ETV6: variants seen among roughly 807,000 people sequenced by gnomAD.
The protein encoded by ETV6 is transcription factor ETV6.
Under a neutral mutation model 51.1 loss-of-function variants are expected in ETV6, and 16 were observed. The observed-to-expected ratio is 0.31, with a 90% CI of 0.21 to 0.48. The LOEUF is 0.48. ETV6 is among the 20% of genes least tolerant of loss of function. ETV6 has a pLI of 0.99. For synonymous variants in ETV6, 240 were observed against 224.1 expected (o/e 1.07, Z -0.64); for missense variants, 458 against 594.8 (o/e 0.77, Z 2.39).
At position 11,806,302 on chromosome 12, in the gene ETV6, A is replaced by G. The variant is rs1304927094; in HGVS notation, c.164-32838A>G. 2.0e-5 allele frequency among the ~76,000 whole-genome samples: 3 copies of G among 152,232 alleles called. No homozygotes were observed. The East Asian group carries it at 5.8e-4, about 29-fold the overall frequency. On this transcript the variant is annotated intron_variant, in intron 2 of 7. Coordinates refer to ENST00000396373, the MANE Select transcript of ETV6 (RefSeq NM_001987.5). ...GAGGAATAATCTTTGTGATCAACTGAGTGAAAGGTACAAAGTAAGAAACAA... is the reference window on the plus strand; with the variant it reads ...GAGGAATAATCTTTGTGATCAACTGGGTGAAAGGTACAAAGTAAGAAACAA...
chr12:11,812,955 A>G (rs947811820), intron 2 of ETV6, among the ~76,000 whole-genome samples: 2 of 152,172 alleles, frequency 1.3e-5, no homozygotes, highest in African/African-American at 4.8e-5. Flanking sequence ...GCTCCCTGAC[A>G]TTCCGGAGGC....
chr12:11,756,046 A>G (rs928950), intron 2 of ETV6, among the ~76,000 whole-genome samples: 56,955 of 152,008 alleles, frequency 0.37, 10,867 homozygotes, highest in South Asian at 0.52. Flanking sequence ...ACACAGAGCT[A>G]TACCCAAACT....
intron 3 of ETV6, among the ~76,000 whole-genome samples, chr12:11,845,074 C>A (rs1488591234): frequency 6.6e-6 from 1 of 152,092 alleles, no homozygotes; most frequent in Non-Finnish European, 1.5e-5. Context: ...CATGATCTAC[C>A]CACTTTGGCC....
At chr12:11,870,017 A>G (rs781400627) in intron 5 of ETV6, 48 bp downstream of exon 5, 3 of 1,550,884 alleles carry the variant, frequency 1.9e-6, no homozygotes, top group Middle Eastern at 1.9e-4. Flanking sequence ...GGACCTGACA[A>G]AGTCCCACTC....
At chr12:11,731,608 A>C (rs1307492601) in intron 1 of ETV6, among the ~76,000 whole-genome samples, 1 of 152,146 alleles carries the variant, frequency 6.6e-6, no homozygotes, top group Admixed American at 6.5e-5. Context: ...CATGGGACGG[A>C]ACAGGAAGTG....
intron 1 of ETV6, among the ~76,000 whole-genome samples, chr12:11,728,072 G>C (rs1218016479): frequency 6.6e-6 from 1 of 152,072 alleles, no homozygotes; most frequent in African/African-American, 2.4e-5. Context: ...TGCCCGCCTC[G>C]GTCTTCCAAA....
chr12:11,880,432 T>G (rs1240619047), intron 5 of ETV6, among the ~76,000 whole-genome samples: 1 of 152,190 alleles, frequency 6.6e-6, no homozygotes, highest in African/African-American at 2.4e-5. Context: ...ATCTGATAAG[T>G]AGATAACATT....
chr12:11,671,136 G>A (rs149869338), intron 1 of ETV6, among the ~76,000 whole-genome samples: 2 of 152,256 alleles, frequency 1.3e-5, no homozygotes, highest in Non-Finnish European at 2.9e-5. Context: ...GGCAGGGCGG[G>A]GAAGAGAGAA....
chr12:11,891,101 A>G lies in ETV6; in HGVS notation c.*55A>G, dbSNP rs1947280161. The G allele has an allele frequency of 2.1e-6, 3 of 1,402,534 alleles. No individual in the cohort carries two copies. In the East Asian group the frequency reaches 6.9e-5, roughly 32 times the overall value. The allele number at this position is 1,402,534 out of a possible 1,614,324, so 86.9% of individuals were successfully genotyped here. On this transcript the variant is annotated 3_prime_UTR_variant, in exon 8 of 8. Coordinates refer to ENST00000396373, the MANE Select transcript of ETV6 (RefSeq NM_001987.5). ...GCAGCCCAGGGAACCCCTGCCCACC[A>G]GGATTGCTGGAAGTGTGACGGAGCA...
At chr12:11,796,296 A>G (rs1323819938) in intron 2 of ETV6, among the ~76,000 whole-genome samples, 1 of 152,204 alleles carries the variant, frequency 6.6e-6, no homozygotes, top group East Asian at 1.9e-4. Flanking sequence ...ACAACATTGC[A>G]TTAATCATCA....
intron 4 of ETV6, among the ~76,000 whole-genome samples, chr12:11,856,901 C>T (rs1046051309): frequency 2.0e-5 from 3 of 152,114 alleles, no homozygotes; most frequent in African/African-American, 7.2e-5. Context: ...AATACAGTTC[C>T]ATATAAAAGT....
chr12:11,685,249 C>T (rs1422934660), intron 1 of ETV6, among the ~76,000 whole-genome samples: 2 of 151,450 alleles, frequency 1.3e-5, no homozygotes, highest in South Asian at 2.1e-4. Flanking sequence ...CCGGAGTACA[C>T]CAATATTGAG....
chr12:11,749,342 CA>C (rs1865975271), intron 1 of ETV6, among the ~76,000 whole-genome samples: 7 of 118,400 alleles, frequency 5.9e-5, no homozygotes, highest in East Asian at 2.7e-4. Flanking sequence ...CACACACACA[CA>C]CACACACCCC....
chr12:11,709,697 C>G (rs1278571600), intron 1 of ETV6, among the ~76,000 whole-genome samples: 2 of 152,224 alleles, frequency 1.3e-5, no homozygotes, highest in Non-Finnish European at 2.9e-5. Context: ...AATTGGTGGA[C>G]TTTGAGTAAA....
At chr12:11,660,941 T>A (rs1864090785) in intron 1 of ETV6, among the ~76,000 whole-genome samples, 2 of 152,146 alleles carry the variant, frequency 1.3e-5, no homozygotes, top group Admixed American at 6.5e-5. Context: ...CTGTGACAGG[T>A]TTTGGAAAAA....
At chr12:11,829,072 C>A (rs146870651) in intron 2 of ETV6, among the ~76,000 whole-genome samples, 8 of 152,244 alleles carry the variant, frequency 5.3e-5, no homozygotes, top group Non-Finnish European at 8.8e-5. Flanking sequence ...ATTTTCCCAG[C>A]CTGCAAGATG....
chr12:11,753,655 G>A (rs1233875103), intron 2 of ETV6, among the ~76,000 whole-genome samples: 2 of 152,350 alleles, frequency 1.3e-5, no homozygotes, highest in South Asian at 2.1e-4. Context: ...GACAGAGGAT[G>A]CAGGTTCTTC....
intron 1 of ETV6, among the ~76,000 whole-genome samples, chr12:11,698,530 G>A (rs1175888988): frequency 2.6e-5 from 4 of 152,276 alleles, no homozygotes; most frequent in Non-Finnish European, 5.9e-5. Flanking sequence ...CTGTTGGTTG[G>A]AGGCTTCCCT....
At chr12:11,714,593 A>G (rs577463010) in intron 1 of ETV6, among the ~76,000 whole-genome samples, 13 of 151,668 alleles carry the variant, frequency 8.6e-5, no homozygotes, top group African/African-American at 3.2e-4. Context: ...GAAAAAGCAC[A>G]ACTTATAGTC....
Sources: gnomAD v4.1 joint callset for allele counts (sites outside exome capture counted in the v4.1 genomes callset) on GRCh38, gnomAD v4.1.1 for gene constraint, MANE v1.5 for transcripts, NCBI Gene and HGNC (gene_info 2026-07-23, HGNC 2026-07-21) for gene names.